LDLRAD4: variants seen among roughly 807,000 people sequenced by gnomAD.
LDLRAD4 encodes low-density lipoprotein receptor class A domain-containing protein 4.
Under a neutral mutation model 17.0 loss-of-function variants are expected in LDLRAD4, and 5 were observed. That is an observed-to-expected ratio of 0.29 (90% CI 0.15 to 0.62). The LOEUF is 0.62. LDLRAD4 is among the 20% of genes least tolerant of loss of function. The pLI is 0.84. For missense variants in LDLRAD4, 340 were observed against 424.7 expected (o/e 0.80, Z 1.75); for synonymous variants, 168 against 171.8 (o/e 0.98, Z 0.17).
At chr18:13,589,559 C>G (rs1055709414) in intron 3 of LDLRAD4, among the ~76,000 whole-genome samples, 1 of 152,184 alleles carries the variant, frequency 6.6e-6, no homozygotes, top group Non-Finnish European at 1.5e-5. Flanking sequence ...ACTGTGTCCT[C>G]TTACACAGGA....
intron 2 of LDLRAD4, among the ~76,000 whole-genome samples, chr18:13,399,232 G>C (rs1568100041): frequency 6.6e-6 from 1 of 152,118 alleles, no homozygotes; most frequent in Non-Finnish European, 1.5e-5. Flanking sequence ...AAAAGACGCT[G>C]TATGTATTTT....
At chr18:13,551,674 A>C (rs2148079223) in intron 3 of LDLRAD4, among the ~76,000 whole-genome samples, 1 of 152,208 alleles carries the variant, frequency 6.6e-6, no homozygotes, top group South Asian at 2.1e-4. Flanking sequence ...TCTGCCAGGG[A>C]GAGAAACAGA....
rs143153072 is a variant in LDLRAD4, at chr18:13,621,527, C to T, written c.336+256C>T. Among the ~76,000 whole-genome samples the T allele has an allele frequency of 2.9e-3, 441 of 152,336 alleles. 2 individuals carry two copies. Among genetic ancestry groups the T allele is most frequent in the African/African-American group, 9.7e-3 (402 of 41,588 alleles). On this transcript the variant is annotated intron_variant, in intron 4 of 5. Transcript: ENST00000359446. The surrounding 1 kb of genome is among the most constrained non-coding windows in gnomAD (Gnocchi z 5.5). ...CCAGGTCTCCCCTGGATCTTTGCTG[C>T]CCGACGTGGCTTTGCCAGCTTCTGA...
intron 1 of LDLRAD4, among the ~76,000 whole-genome samples, chr18:13,361,232 C>G (rs549106289): frequency 6.6e-6 from 1 of 152,288 alleles, no homozygotes; most frequent in African/African-American, 2.4e-5. Context: ...CGCCCACACT[C>G]GGCTAATTTT....
At chr18:13,374,127 G>A (rs1226869661) in intron 1 of LDLRAD4, among the ~76,000 whole-genome samples, 1 of 152,216 alleles carries the variant, frequency 6.6e-6, no homozygotes, top group South Asian at 2.1e-4. Context: ...ATAATTACAC[G>A]TAAATGTTGG....
At chr18:13,405,921 G>T (rs771340763) in intron 2 of LDLRAD4, among the ~76,000 whole-genome samples, 17 of 152,178 alleles carry the variant, frequency 1.1e-4, no homozygotes, top group Admixed American at 3.3e-4. Context: ...TCTAGAGCAG[G>T]CAGCTTATCT....
At chr18:13,237,056 A>C (rs902220812) in intron 1 of LDLRAD4, among the ~76,000 whole-genome samples, 3 of 152,140 alleles carry the variant, frequency 2.0e-5, no homozygotes, top group African/African-American at 7.2e-5. Context: ...TGTCTTTGTG[A>C]TCTTGGGTTA....
chr18:13,462,635 A>G (rs1188008372), intron 3 of LDLRAD4, among the ~76,000 whole-genome samples: 1 of 152,222 alleles, frequency 6.6e-6, no homozygotes, highest in Non-Finnish European at 1.5e-5. Context: ...TAACTGATAC[A>G]AATTCTTCTA....
At chr18:13,479,338 G>A (rs2093026821) in intron 3 of LDLRAD4, among the ~76,000 whole-genome samples, 1 of 152,214 alleles carries the variant, frequency 6.6e-6, no homozygotes, top group Non-Finnish European at 1.5e-5. Flanking sequence ...ATTGAAAAGA[G>A]GGCTGGGTGC....
chr18:13,306,541 C>T (rs1014797820), intron 1 of LDLRAD4, among the ~76,000 whole-genome samples: 1 of 152,124 alleles, frequency 6.6e-6, no homozygotes, highest in Admixed American at 6.5e-5. Flanking sequence ...ATCAGGGTCT[C>T]AAAAGGACCT....
intron 1 of LDLRAD4, among the ~76,000 whole-genome samples, chr18:13,252,631 G>A (rs1459014135): frequency 2.0e-5 from 3 of 152,228 alleles, no homozygotes; most frequent in Admixed American, 1.3e-4. Flanking sequence ...TGGGAACTCG[G>A]TGGTGCCCCC....
intron 3 of LDLRAD4, among the ~76,000 whole-genome samples, chr18:13,475,087 G>C (rs993726934): frequency 6.6e-6 from 1 of 152,198 alleles, no homozygotes; most frequent in African/African-American, 2.4e-5. Context: ...CAGTGTTGAC[G>C]TGACTCCAGA....
chr18:13,629,398 G>A (rs2041465700), intron 4 of LDLRAD4, among the ~76,000 whole-genome samples: 1 of 152,210 alleles, frequency 6.6e-6, no homozygotes, highest in African/African-American at 2.4e-5. Context: ...GTAGAGAAAG[G>A]TCAGGAAGGA....
At chr18:13,498,644 A>T (rs2093534928) in intron 3 of LDLRAD4, among the ~76,000 whole-genome samples, 1 of 134,396 alleles carries the variant, frequency 7.4e-6, no homozygotes, top group Non-Finnish European at 1.6e-5. Flanking sequence ...CACGTGTCCC[A>T]CTGTGGACAC....
intron 2 of LDLRAD4, among the ~76,000 whole-genome samples, chr18:13,406,511 C>T (rs1044928864): frequency 3.3e-5 from 5 of 152,144 alleles, no homozygotes; most frequent in African/African-American, 9.7e-5. Flanking sequence ...TTCTCTGCCC[C>T]GTCGATGCCG....
chr18:13,274,748 C>G (rs538496975), upstream of LDLRAD4, among the ~76,000 whole-genome samples: 18 of 151,872 alleles, frequency 1.2e-4, no homozygotes, highest in South Asian at 3.5e-3. Context: ...AAAAGTAGTC[C>G]CTTTGGAATG....
intron 1 of LDLRAD4, among the ~76,000 whole-genome samples, chr18:13,296,742 CAAAGA>C (rs2046302165): frequency 1.3e-5 from 2 of 152,146 alleles, no homozygotes; most frequent in South Asian, 4.2e-4. Flanking sequence ...AATTTAGCAA[CAAAGA>C]AAAGAGCAGA....
intron 1 of LDLRAD4, among the ~76,000 whole-genome samples, chr18:13,232,372 G>T (rs1177661776): frequency 2.6e-5 from 4 of 152,218 alleles, no homozygotes; most frequent in African/African-American, 9.6e-5. Context: ...GCCTGGCATG[G>T]TTTGAGCTTC....
chr18:13,257,606 T>C (rs1319495910), intron 1 of LDLRAD4, among the ~76,000 whole-genome samples: 1 of 152,154 alleles, frequency 6.6e-6, no homozygotes, highest in African/African-American at 2.4e-5. Flanking sequence ...TGAGTGATCA[T>C]ATAGGGGATG....
Sources: allele counts gnomAD v4.1 joint callset (sites outside exome capture counted in the v4.1 genomes callset), GRCh38; gene constraint gnomAD v4.1.1; non-coding constraint Gnocchi (gnomAD v3.1); transcripts MANE v1.5; gene names NCBI Gene and HGNC (gene_info 2026-07-23, HGNC 2026-07-21).